Variants in CNBD1 observed in about 807,000 individuals in gnomAD.
The protein encoded by CNBD1 is cyclic nucleotide-binding domain-containing protein 1.
Under a neutral mutation model 54.4 loss-of-function variants are expected in CNBD1, and 71 were observed. That is an observed-to-expected ratio of 1.30 (90% CI 1.08 to 1.59). CNBD1 has a LOEUF of 1.59. Among genes scored for constraint, CNBD1 ranks in the 40% most tolerant of loss-of-function variants. The probability of loss-of-function intolerance (pLI) is 0.00; values close to 1 mark genes in which losing one functional copy is unlikely to be tolerated. For synonymous variants in CNBD1, 182 were observed against 170.7 expected (o/e 1.07, Z -0.51); for missense variants, 659 against 518.0 (o/e 1.27, Z -2.64).
intron 8 of CNBD1, among the ~76,000 whole-genome samples, chr8:87,348,182 T>A (rs1338342467): frequency 6.6e-6 from 1 of 152,156 alleles, no homozygotes; most frequent in Non-Finnish European, 1.5e-5. Context: ...CATTGTATAA[T>A]TGGAAATTAA....
chr8:87,223,054 CTTTTT>C (rs34784758), intron 5 of CNBD1, among the ~76,000 whole-genome samples: 1 of 138,000 alleles, frequency 7.2e-6, no homozygotes, highest in Admixed American at 7.2e-5. Flanking sequence ...TCTGATTTTT[CTTTTT>C]TTTTTTTTTC....
intron 4 of CNBD1, among the ~76,000 whole-genome samples, chr8:87,009,953 C>T (rs796453628): frequency 8.5e-5 from 13 of 152,104 alleles, no homozygotes; most frequent in Non-Finnish European, 1.8e-4. Context: ...TGTTCCTCAT[C>T]CTTCTTTTGT....
chr8:87,190,545 A>G (rs1339383268), intron 4 of CNBD1, among the ~76,000 whole-genome samples: 1 of 152,016 alleles, frequency 6.6e-6, no homozygotes, highest in African/African-American at 2.4e-5. Flanking sequence ...TTTTTAATCC[A>G]GCTTCATTAA....
chr8:87,206,279 T>C (rs1020457506), intron 5 of CNBD1, 141 bp downstream of exon 5: 3 of 633,258 alleles, frequency 4.7e-6, no homozygotes, highest in Admixed American at 8.1e-5. Context: ...GTGTTTCATT[T>C]GTAAGTTTAT....
intron 4 of CNBD1, among the ~76,000 whole-genome samples, chr8:87,176,365 A>G (rs527416308): frequency 6.6e-6 from 1 of 152,304 alleles, no homozygotes; most frequent in Non-Finnish European, 1.5e-5. Flanking sequence ...GCTTAATTAA[A>G]TCATATTTGC....
chr8:86,933,697 C>G (rs570816871), intron 3 of CNBD1, among the ~76,000 whole-genome samples: 1 of 151,984 alleles, frequency 6.6e-6, no homozygotes, highest in Non-Finnish European at 1.5e-5. Flanking sequence ...TTTTAAAAAC[C>G]TGGGTGGGTA....
intron 10 of CNBD1, among the ~76,000 whole-genome samples, chr8:87,380,785 G>A (rs1811057405): frequency 6.6e-6 from 1 of 151,834 alleles, no homozygotes; most frequent in Non-Finnish European, 1.5e-5. Context: ...TGTTGTAAAT[G>A]GGGTTGTTTT....
At chr8:87,269,119 C>T (rs905612168) in intron 6 of CNBD1, among the ~76,000 whole-genome samples, 7 of 151,994 alleles carry the variant, frequency 4.6e-5, no homozygotes, top group African/African-American at 1.7e-4. Context: ...AGAAATGGGT[C>T]CAGTTTCCAT....
intron 8 of CNBD1, among the ~76,000 whole-genome samples, chr8:87,312,817 G>A (rs960855236): frequency 2.0e-5 from 3 of 151,848 alleles, no homozygotes; most frequent in African/African-American, 4.8e-5. Flanking sequence ...TCAGTACAGG[G>A]CAGCCATGTC....
At chr8:87,202,404 G>C (rs1813882203) in intron 4 of CNBD1, among the ~76,000 whole-genome samples, 1 of 152,182 alleles carries the variant, frequency 6.6e-6, no homozygotes, top group Non-Finnish European at 1.5e-5. Context: ...CAGGAACTTA[G>C]AAGAGCTGGA....
chr8:87,052,547 T>C (rs1161830155), intron 4 of CNBD1, among the ~76,000 whole-genome samples: 1 of 152,194 alleles, frequency 6.6e-6, no homozygotes, highest in East Asian at 1.9e-4. Context: ...TTCCAATTAG[T>C]ATTCTTAAGG....
chr8:87,292,627 C>T (rs1563540261), intron 8 of CNBD1, among the ~76,000 whole-genome samples: 1 of 152,124 alleles, frequency 6.6e-6, no homozygotes, highest in Non-Finnish European at 1.5e-5. Flanking sequence ...TTATATGGCT[C>T]AATGCCTCTT....
intron 2 of CNBD1, among the ~76,000 whole-genome samples, chr8:87,426,672 C>T (rs1464049879): frequency 6.6e-6 from 1 of 152,146 alleles, no homozygotes; most frequent in Non-Finnish European, 1.5e-5. Context: ...GGCGCGGCTA[C>T]CTATCTGGTA....
chr8:87,371,924 G>C (rs1330521694), intron 10 of CNBD1, among the ~76,000 whole-genome samples: 1 of 151,702 alleles, frequency 6.6e-6, no homozygotes, highest in Non-Finnish European at 1.5e-5. Flanking sequence ...TTGAAAACTG[G>C]CACAAGACAG....
intron 8 of CNBD1, among the ~76,000 whole-genome samples, chr8:87,329,770 A>G (rs1409347192): frequency 1.3e-5 from 2 of 151,986 alleles, no homozygotes; most frequent in Non-Finnish European, 2.9e-5. Context: ...CTTATATATT[A>G]TCCCTTATTA....
At chr8:87,328,001 G>A (rs1365578909) in intron 8 of CNBD1, among the ~76,000 whole-genome samples, 1 of 151,736 alleles carries the variant, frequency 6.6e-6, no homozygotes, top group African/African-American at 2.4e-5. Context: ...TAATTTCTGG[G>A]ATACATGTGC....
At chr8:87,089,532 G>T (rs542252791) in intron 4 of CNBD1, among the ~76,000 whole-genome samples, 1 of 152,164 alleles carries the variant, frequency 6.6e-6, no homozygotes, top group African/African-American at 2.4e-5. Context: ...ATTTGTTGGG[G>T]ATTAAGAGAC....
At chr8:86,903,867 T>C (rs1440501761) in intron 2 of CNBD1, among the ~76,000 whole-genome samples, 1 of 806 alleles carries the variant, frequency 1.2e-3, no homozygotes, top group Admixed American at 0.016. Flanking sequence ...CAAACAGAAT[T>C]TTTTTTTTTT....
intron 10 of CNBD1, among the ~76,000 whole-genome samples, chr8:87,358,460 T>C (rs1810462754): frequency 6.6e-6 from 1 of 152,114 alleles, no homozygotes; most frequent in Non-Finnish European, 1.5e-5. Context: ...TAATAATATG[T>C]TTTTTCTTTT....
Sources: gnomAD v4.1 joint callset for allele counts (sites outside exome capture counted in the v4.1 genomes callset) on GRCh38, gnomAD v4.1.1 for gene constraint, MANE v1.5 for transcripts, NCBI Gene and HGNC (gene_info 2026-07-23, HGNC 2026-07-21) for gene names.